TPRG1: variants seen among roughly 807,000 people sequenced by gnomAD.
TPRG1 encodes the protein tumor protein p63-regulated gene 1 protein.
A neutral mutation model predicts 29.3 loss-of-function variants in TPRG1; 29 were observed. The observed-to-expected ratio is 0.99, with a 90% CI of 0.74 to 1.35. The LOEUF (loss-of-function observed/expected upper bound fraction) is 1.35. Among genes scored for constraint, TPRG1 ranks in the 40% most tolerant of loss-of-function variants. The pLI, the probability that TPRG1 is intolerant of heterozygous loss-of-function variation, is 0.00. For missense variants in TPRG1, 327 were observed against 335.0 expected, an observed-to-expected ratio of 0.98 and a Z score of 0.19; for synonymous variants, 130 against 116.8, an observed-to-expected ratio of 1.11 and a Z score of -0.73.
intron 1 of TPRG1, among the ~76,000 whole-genome samples, chr3:189,112,538 G>A (rs1174534588): frequency 6.6e-6 from 1 of 152,082 alleles, no homozygotes; most frequent in South Asian, 2.1e-4. Context: ...AATCCATCTC[G>A]AATTAATTTT....
intron 4 of TPRG1, among the ~76,000 whole-genome samples, chr3:189,074,246 C>T (rs1210765575): frequency 7.0e-6 from 1 of 143,730 alleles, no homozygotes; most frequent in Non-Finnish European, 1.5e-5. Flanking sequence ...CGCTCTGTCA[C>T]CCAGGCTGGA....
intron 5 of TPRG1, among the ~76,000 whole-genome samples, chr3:189,161,464 C>CTT (rs869300717): frequency 9.7e-6 from 1 of 103,038 alleles, no homozygotes; most frequent in East Asian, 2.3e-4. Context: ...GTAGTAGGTT[C>CTT]TTTTTTTTTA....
At chr3:189,290,672 AC>A (rs1392809268) in intron 4 of TPRG1, among the ~76,000 whole-genome samples, 1 of 152,196 alleles carries the variant, frequency 6.6e-6, no homozygotes. Context: ...GCCAGGTTTT[AC>A]TGTGGACTAT....
intron 1 of TPRG1, among the ~76,000 whole-genome samples, chr3:189,185,218 G>A (rs1193416872): frequency 6.6e-6 from 1 of 151,884 alleles, no homozygotes; most frequent in Non-Finnish European, 1.5e-5. Context: ...GCCAGCTTGG[G>A]TAATCTTTTT....
At chr3:189,023,009 C>A (rs1713442775) in intron 3 of TPRG1, among the ~76,000 whole-genome samples, 2 of 152,218 alleles carry the variant, frequency 1.3e-5, no homozygotes, top group Admixed American at 1.3e-4. Context: ...GTCCGTCACC[C>A]CTTTCTTTGA....
chr3:189,151,318 A>C (rs113858890), intron 5 of TPRG1, among the ~76,000 whole-genome samples: 39 of 152,266 alleles, frequency 2.6e-4, no homozygotes, highest in African/African-American at 9.1e-4. Flanking sequence ...GAAAAAGCTG[A>C]TGTGGGTTGG....
At chr3:189,302,629 A>C (rs542246173) in intron 4 of TPRG1, among the ~76,000 whole-genome samples, 1 of 152,176 alleles carries the variant, frequency 6.6e-6, no homozygotes, top group Non-Finnish European at 1.5e-5. Flanking sequence ...ACAGACATGG[A>C]CTCCAAATAG....
chr3:189,017,140 A>AT (rs918264756), intron 3 of TPRG1, among the ~76,000 whole-genome samples: 16 of 135,798 alleles, frequency 1.2e-4, no homozygotes, highest in East Asian at 4.4e-4. Flanking sequence ...ATGCCTTTTC[A>AT]TTTTTTTTTT....
intron 3 of TPRG1, among the ~76,000 whole-genome samples, chr3:189,215,861 A>G (rs971405023): frequency 2.0e-5 from 3 of 152,192 alleles, no homozygotes; most frequent in Non-Finnish European, 4.4e-5. Flanking sequence ...GAAGATAGCT[A>G]AGTCAGGTAC....
At chr3:189,086,417 G>A (rs1380806617) in intron 4 of TPRG1, among the ~76,000 whole-genome samples, 4 of 151,798 alleles carry the variant, frequency 2.6e-5, no homozygotes, top group Middle Eastern at 3.4e-3. Context: ...GCACTGCAGT[G>A]GCACAATCAA....
rs570284139 is a variant in TPRG1, at chr3:189,143,841, T to C, written c.-290-3743T>C. Among the ~76,000 whole-genome samples, 6 of 152,314 alleles carry C rather than the reference T, an allele frequency of 3.9e-5. No individual in the cohort carries two copies. In the East Asian group the frequency reaches 1.2e-3, roughly 29 times the overall value. ...TGGGACCCTGTTAAGATGCAGGCTT[T>C]TCCAGTAGGAAACAGCTAATGGTGG... On this transcript the variant is annotated intron_variant, in intron 3 of 6. Transcript: ENST00000412373.
intron 1 of TPRG1, chr3:189,121,534 C>G (rs1316262447): frequency 6.6e-6 from 1 of 152,160 alleles, no homozygotes; most frequent in Non-Finnish European, 1.5e-5. Context: ...CTGAGTAGAA[C>G]CAATCTATAT....
At position 189,304,971 on chromosome 3, in the gene TPRG1, T is replaced by A. The variant is rs556079875; in HGVS notation, c.480-5415T>A. On this transcript the variant is annotated intron_variant, in intron 4 of 5. Coordinates refer to ENST00000345063, the MANE Select transcript of TPRG1 (RefSeq NM_198485.4). The stretch of plus-strand genomic sequence containing the variant: ...TAGAGCAAGAGTTAATGTCTGTGCT[T>A]CCTCATAAATCTCGGTTTGGTGCCT... Among the ~76,000 whole-genome samples, 62 of 152,304 alleles carry A rather than the reference T, an allele frequency of 4.1e-4. No individual in the cohort carries two copies. In the South Asian group the frequency reaches 4.4e-3, roughly 11 times the overall value.
At chr3:189,061,486 T>C (rs2152144694) in intron 4 of TPRG1, among the ~76,000 whole-genome samples, 1 of 152,280 alleles carries the variant, frequency 6.6e-6, no homozygotes, top group Admixed American at 6.5e-5. Flanking sequence ...AAAGAAGCTA[T>C]TAACAGAGTA....
At position 189,064,165 on chromosome 3, in the gene TPRG1, G is replaced by A. The variant is rs139355440; in HGVS notation, c.-463+40219G>A. ...TTGGTTACATAGGGATATAGTATCC[G>A]TAGGACTGACTACAGTTGCTGAAGA... On this transcript the variant is annotated intron_variant, in intron 4 of 10. Transcript: ENST00000433971. Among the ~76,000 whole-genome samples, 61 of 152,220 alleles carry A rather than the reference G, an allele frequency of 4.0e-4. 1 individual carries two copies. The highest frequency in any genetic ancestry group is 2.3e-3 in the South Asian group (11 of 4,820).
chr3:189,233,505 A>G (rs982316952), intron 3 of TPRG1, among the ~76,000 whole-genome samples: 34 of 152,084 alleles, frequency 2.2e-4, no homozygotes, highest in African/African-American at 8.2e-4. Context: ...TATCTGGGGG[A>G]GAACCTAGGC....
intron 1 of TPRG1, among the ~76,000 whole-genome samples, chr3:188,998,481 GTT>G (rs928516928): frequency 6.6e-6 from 1 of 152,242 alleles, no homozygotes; most frequent in African/African-American, 2.4e-5. Flanking sequence ...GCATGCTAGA[GTT>G]TTGTGGGTCA....
chr3:189,267,906 G>T (rs1245447085), intron 4 of TPRG1, among the ~76,000 whole-genome samples: 1 of 152,180 alleles, frequency 6.6e-6, no homozygotes. Flanking sequence ...GGATGAATTG[G>T]AGCACTGAGA....
chr3:189,174,754 A>G (rs542198055), intron 1 of TPRG1, among the ~76,000 whole-genome samples: 2 of 152,344 alleles, frequency 1.3e-5, no homozygotes, highest in South Asian at 2.1e-4. Flanking sequence ...CTTGAATGCT[A>G]AAGTATTAAG....
Sources: allele counts gnomAD v4.1 joint callset (sites outside exome capture counted in the v4.1 genomes callset), GRCh38; gene constraint gnomAD v4.1.1; transcripts MANE v1.5; gene names NCBI Gene and HGNC (gene_info 2026-07-23, HGNC 2026-07-21).